The following TMEM233 variants were observed in gnomAD, a reference collection of about 807,000 sequenced individuals.
The protein encoded by TMEM233 is transmembrane protein 233, also known as dispanin subfamily B member 2.
A neutral mutation model predicts 11.2 loss-of-function variants in TMEM233; 6 were observed. The ratio of observed to expected loss-of-function variants is 0.54; its 90% CI spans 0.29 to 1.06. The LOEUF (loss-of-function observed/expected upper bound fraction) is 1.06. Ranked by LOEUF, TMEM233 falls within the 50% of genes least tolerant of loss-of-function variation. The pLI, the probability that TMEM233 is intolerant of heterozygous loss-of-function variation, is 0.08. For missense variants in TMEM233, 127 were observed against 144.7 expected, an observed-to-expected ratio of 0.88 and a Z score of 0.63; for synonymous variants, 59 against 55.8, an observed-to-expected ratio of 1.06 and a Z score of -0.26.
chr12:119,604,069 C>A (rs1954218013), intron 1 of TMEM233, among the ~76,000 whole-genome samples: 1 of 152,222 alleles, frequency 6.6e-6, no homozygotes, highest in Non-Finnish European at 1.5e-5. Context: ...AGAAATTTGT[C>A]TTTATTCTCA....
intron 1 of TMEM233, among the ~76,000 whole-genome samples, chr12:119,596,065 G>A (rs1183821628): frequency 6.6e-6 from 1 of 152,146 alleles, no homozygotes; most frequent in African/African-American, 2.4e-5. Context: ...CCCGGAAGCC[G>A]TCGCATCCGG....
At chr12:119,601,935 C>A (rs1183856507) in intron 1 of TMEM233, among the ~76,000 whole-genome samples, 1 of 152,108 alleles carries the variant, frequency 6.6e-6, no homozygotes, top group Non-Finnish European at 1.5e-5. Flanking sequence ...CAGAGAAATG[C>A]TCCTGAAAAC....
chr12:119,596,728 A>G (rs752568861), intron 1 of TMEM233, among the ~76,000 whole-genome samples: 2 of 152,062 alleles, frequency 1.3e-5, no homozygotes, highest in African/African-American at 2.4e-5. Context: ...CCTGACCTCA[A>G]GTGATCTGCC....
intron 1 of TMEM233, among the ~76,000 whole-genome samples, chr12:119,597,334 C>T (rs942392971): frequency 1.3e-5 from 2 of 152,142 alleles, no homozygotes; most frequent in Non-Finnish European, 2.9e-5. Context: ...GGGGCTGTCC[C>T]CCAGTGAAGA....
chr12:119,632,588 A>G (rs189169363), intron 2 of TMEM233, among the ~76,000 whole-genome samples: 1 of 152,326 alleles, frequency 6.6e-6, no homozygotes, highest in East Asian at 1.9e-4. Flanking sequence ...TACATGAGGT[A>G]GCCTGGTTAT....
intron 1 of TMEM233, among the ~76,000 whole-genome samples, chr12:119,623,155 T>C (rs1264990564): frequency 6.6e-6 from 1 of 152,184 alleles, no homozygotes; most frequent in Non-Finnish European, 1.5e-5. Context: ...ACGTGACAGA[T>C]TGGCTGTTCT....
chr12:119,605,699 G>A (rs1954267020), intron 1 of TMEM233, among the ~76,000 whole-genome samples: 1 of 152,054 alleles, frequency 6.6e-6, no homozygotes, highest in South Asian at 2.1e-4. Context: ...GAAGTGCTGG[G>A]ATTAGAGGCG....
chr12:119,648,232 T>C, the TMEM233 span, among the ~76,000 whole-genome samples: 1 of 152,078 alleles, frequency 6.6e-6, no homozygotes, highest in Admixed American at 6.6e-5. Context: ...CCACTAACAA[T>C]ATTTTTATTT....
chr12:119,605,409 C>CT lies in TMEM233; in HGVS notation c.186+11411dup, dbSNP rs6144897. Among the ~76,000 whole-genome samples the CT allele has an allele frequency of 5.3e-4, 50 of 93,636 alleles. 2 individuals are homozygous for CT. Among genetic ancestry groups the CT allele is most frequent in the African/African-American group, 1.0e-3 (27 of 26,858 alleles). 61.4% of individuals were successfully genotyped at this position (93,636 alleles called of 152,430 possible). A position where few individuals can be genotyped will look rare whatever the true frequency, so the allele number is the denominator to read the frequency against. The stretch of plus-strand genomic sequence containing the variant: ...TTATAATCAGACAGCTATGCCTTTC[C>CT]TTTTTTTTTTTTTTTTTTTTTTTTT... On this transcript the variant is annotated intron_variant, in intron 1 of 2. Transcript: ENST00000426426.
At chr12:119,618,810 G>A (rs1954587834) in intron 1 of TMEM233, among the ~76,000 whole-genome samples, 1 of 152,280 alleles carries the variant, frequency 6.6e-6, no homozygotes, top group South Asian at 2.1e-4. Context: ...TGTCTCAGAT[G>A]AGAACTTGGA....
At chr12:119,651,473 A>G in the TMEM233 span, among the ~76,000 whole-genome samples, 13 of 152,056 alleles carry the variant, frequency 8.5e-5, no homozygotes, top group African/African-American at 3.1e-4. Context: ...GACCATTCCG[A>G]AAAAAACTGC....
intron 1 of TMEM233, among the ~76,000 whole-genome samples, chr12:119,625,192 G>A (rs1479209043): frequency 6.6e-6 from 1 of 152,130 alleles, no homozygotes; most frequent in Non-Finnish European, 1.5e-5. Context: ...AAGCTCTGTG[G>A]TATACTGGGT....
chr12:119,614,043 A>G (rs1010415330), intron 1 of TMEM233, among the ~76,000 whole-genome samples: 1 of 152,070 alleles, frequency 6.6e-6, no homozygotes, highest in Non-Finnish European at 1.5e-5. Context: ...AGGGTTGGGA[A>G]GGGCAGAATG....
At chr12:119,648,324 C>T in the TMEM233 span, among the ~76,000 whole-genome samples, 1 of 152,236 alleles carries the variant, frequency 6.6e-6, no homozygotes, top group Non-Finnish European at 1.5e-5. Context: ...GAGACCTTGT[C>T]TGTTCTGTTC....
chr12:119,604,475 T>A (rs975512246), intron 1 of TMEM233, among the ~76,000 whole-genome samples: 33 of 152,296 alleles, frequency 2.2e-4, no homozygotes, highest in African/African-American at 7.9e-4. Flanking sequence ...GAAATACTGT[T>A]CTTAATAATA....
At chr12:119,630,653 G>T (rs368908699) in intron 2 of TMEM233, among the ~76,000 whole-genome samples, 14 of 152,328 alleles carry the variant, frequency 9.2e-5, no homozygotes, top group South Asian at 2.1e-4. Flanking sequence ...AGGCAAAGGC[G>T]GGGGAGAGGA....
chr12:119,606,219 C>A (rs1026795858), intron 1 of TMEM233, among the ~76,000 whole-genome samples: 2 of 152,052 alleles, frequency 1.3e-5, no homozygotes, highest in African/African-American at 4.8e-5. Flanking sequence ...AAAAGAGTTT[C>A]TTGCACGTGG....
intron 2 of TMEM233, among the ~76,000 whole-genome samples, chr12:119,639,621 CA>C (rs560859869): frequency 0.017 from 2,477 of 143,778 alleles, 62 homozygotes; most frequent in African/African-American, 0.059. Flanking sequence ...GACTCCATCT[CA>C]AAAAAAAAAG....
intron 1 of TMEM233, among the ~76,000 whole-genome samples, chr12:119,617,934 T>C (rs1954568293): frequency 6.6e-6 from 1 of 152,196 alleles, no homozygotes. Context: ...GAAAAATGTC[T>C]CCATGGCATG....
Sources: allele counts gnomAD v4.1 joint callset (sites outside exome capture counted in the v4.1 genomes callset), GRCh38; gene constraint gnomAD v4.1.1; transcripts MANE v1.5; gene names NCBI Gene and HGNC (gene_info 2026-07-23, HGNC 2026-07-21).